The following DNM3 variants were observed in gnomAD, a reference collection of about 807,000 sequenced individuals.
The protein encoded by DNM3 is dynamin-3.
A neutral mutation model predicts 101.6 loss-of-function variants in DNM3; 47 were observed. The observed-to-expected ratio is 0.46, with a 90% confidence interval of 0.37 to 0.59. The LOEUF (loss-of-function observed/expected upper bound fraction) is 0.59. Among genes scored for constraint, DNM3 ranks in the 20% least tolerant of loss-of-function variants. The pLI is 0.00. For missense variants in DNM3, 849 were observed against 1,085.7 expected, an observed-to-expected ratio of 0.78 and a Z score of 3.06; for synonymous variants, 385 against 387.9, an observed-to-expected ratio of 0.99 and a Z score of 0.09.
chr1:172,102,845 A>G (rs1382840972), intron 13 of DNM3, among the ~76,000 whole-genome samples: 1 of 152,068 alleles, frequency 6.6e-6, no homozygotes, highest in Non-Finnish European at 1.5e-5. Context: ...ATTCCAAGTA[A>G]GCAAATGCCT....
chr1:172,042,763 G>A (rs2049481765), intron 8 of DNM3, among the ~76,000 whole-genome samples: 1 of 152,158 alleles, frequency 6.6e-6, no homozygotes, highest in Admixed American at 6.5e-5. Flanking sequence ...GGGGCATGAA[G>A]TGAATTCAGA....
chr1:172,123,146 C>T (rs903599812), intron 13 of DNM3, among the ~76,000 whole-genome samples: 3 of 152,086 alleles, frequency 2.0e-5, no homozygotes, highest in Non-Finnish European at 4.4e-5. Flanking sequence ...AGTCACTTAG[C>T]CAATTCATTC....
chr1:172,025,632 C>T (rs2048151589), intron 4 of DNM3, among the ~76,000 whole-genome samples: 1 of 152,226 alleles, frequency 6.6e-6, no homozygotes, highest in African/African-American at 2.4e-5. Flanking sequence ...TGCTGTTCTG[C>T]AGCCTCCGCT....
intron 16 of DNM3, among the ~76,000 whole-genome samples, chr1:172,315,528 C>G (rs139214165): frequency 0.026 from 4,001 of 152,148 alleles, 154 homozygotes; most frequent in African/African-American, 0.084. Context: ...ATAACCAATA[C>G]AGAGAAGTGC....
At chr1:172,034,283 A>G (rs2048811317) in intron 6 of DNM3, among the ~76,000 whole-genome samples, 2 of 152,310 alleles carry the variant, frequency 1.3e-5, no homozygotes, top group Middle Eastern at 6.8e-3. Flanking sequence ...CTATGATTGT[A>G]TCATTTAAAA....
At chr1:172,237,043 A>G (rs1235819486) in intron 14 of DNM3, among the ~76,000 whole-genome samples, 1 of 152,120 alleles carries the variant, frequency 6.6e-6, no homozygotes, top group African/African-American at 2.4e-5. Context: ...TGCGCCACAC[A>G]ACTCAGCATT....
chr1:172,066,122 T>C (rs2051640623), intron 10 of DNM3, among the ~76,000 whole-genome samples: 1 of 152,148 alleles, frequency 6.6e-6, no homozygotes, highest in Non-Finnish European at 1.5e-5. Flanking sequence ...CATGCTATAA[T>C]ATTACTCAAG....
chr1:172,081,594 T>C (rs1156640740), intron 11 of DNM3, among the ~76,000 whole-genome samples: 1 of 152,208 alleles, frequency 6.6e-6, no homozygotes, highest in African/African-American at 2.4e-5. Context: ...GCTTATAAGT[T>C]ATAATGCTAT....
At chr1:171,955,020 C>T (rs528319022) in intron 2 of DNM3, among the ~76,000 whole-genome samples, 2 of 152,068 alleles carry the variant, frequency 1.3e-5, no homozygotes, top group South Asian at 4.1e-4. Flanking sequence ...TTTTAAACAC[C>T]TGGCTCAGCA....
At chr1:171,854,297 T>A (rs1310540954) in intron 1 of DNM3, among the ~76,000 whole-genome samples, 2 of 152,178 alleles carry the variant, frequency 1.3e-5, no homozygotes. Context: ...ATTGGTACAA[T>A]GGGACAATAG....
At chr1:172,079,585 A>G (rs2052966238) in intron 11 of DNM3, among the ~76,000 whole-genome samples, 2 of 151,824 alleles carry the variant, frequency 1.3e-5, no homozygotes, top group Admixed American at 6.6e-5. Flanking sequence ...AGCTTGGAGG[A>G]GTTTGTTATT....
chr1:171,841,723 C>G lies in DNM3; in HGVS notation c.67C>G (p.Leu23Val), dbSNP rs1180917841. The change falls in exon 1 of 21, where the codon CTG becomes GTG. Residue 23 changes from leucine to valine, a missense_variant. By Grantham distance (32) the Leu-to-Val change is conservative. Around this residue, in one of 5 missense-constraint regions of DNM3, gnomAD observed 388 missense variants for 483.0 expected, o/e 0.80. Transcript: ENST00000627582. ...VNRLQDAFSA[L>V]GQSCLLELPQ... ...CCGTCTGCAGGACGCGTTTTCGGCGCTGGGACAGAGCTGCCTGCTGGAGCT... is the reference window on the plus strand; with the variant it reads ...CCGTCTGCAGGACGCGTTTTCGGCGGTGGGACAGAGCTGCCTGCTGGAGCT... The G allele has an allele frequency of 2.5e-6, 4 of 1,611,360 alleles. No homozygotes were observed. The highest frequency in any genetic ancestry group is 3.4e-6 in the Non-Finnish European group (4 of 1,179,284).
At chr1:172,022,483 T>C (rs1271879515) in intron 4 of DNM3, among the ~76,000 whole-genome samples, 1 of 152,164 alleles carries the variant, frequency 6.6e-6, no homozygotes, top group Non-Finnish European at 1.5e-5. Context: ...TCACTAAGTA[T>C]AGATCTAGCT....
chr1:172,003,627 T>C (rs1186286156), intron 4 of DNM3, among the ~76,000 whole-genome samples: 9 of 151,798 alleles, frequency 5.9e-5, no homozygotes, highest in Admixed American at 5.3e-4. Flanking sequence ...GCCAGGTACC[T>C]TGAATACAAG....
chr1:172,186,719 C>T (rs2059539056), intron 14 of DNM3, among the ~76,000 whole-genome samples: 1 of 152,102 alleles, frequency 6.6e-6, no homozygotes, highest in Non-Finnish European at 1.5e-5. Flanking sequence ...TTGAGAGCAT[C>T]ATTTGCCAGC....
intron 12 of DNM3, among the ~76,000 whole-genome samples, chr1:172,091,850 T>C (rs796543575): frequency 6.6e-6 from 1 of 152,180 alleles, no homozygotes; most frequent in Non-Finnish European, 1.5e-5. Flanking sequence ...AGAGAATAAA[T>C]GATTACAGTA....
At position 172,008,935 on chromosome 1, in the gene DNM3, A is replaced by C. The variant is rs1366085294; in HGVS notation, c.589+19787A>C. Among the ~76,000 whole-genome samples the C allele has an allele frequency of 8.7e-5, 12 of 138,416 alleles. No individual in the cohort carries two copies. In the Admixed American group the frequency reaches 9.3e-4, roughly 11 times the overall value. 90.8% of individuals were successfully genotyped at this position (138,416 alleles called of 152,430 possible). A position where few individuals can be genotyped will look rare whatever the true frequency, so the allele number is the denominator to read the frequency against. On this transcript the variant is annotated intron_variant, in intron 4 of 20. Coordinates refer to ENST00000627582, the MANE Select transcript of DNM3 (RefSeq NM_015569.5). The stretch of plus-strand genomic sequence containing the variant: ...ATATTAAATATTATATTAATTAAAT[A>C]TTAATAAATATATTATATTAATATA...
At chr1:172,193,218 T>C (rs563106309) in intron 14 of DNM3, among the ~76,000 whole-genome samples, 3 of 152,144 alleles carry the variant, frequency 2.0e-5, no homozygotes, top group Admixed American at 6.6e-5. Context: ...CATCAAAAAG[T>C]GGGGGTGGAT....
intron 1 of DNM3, among the ~76,000 whole-genome samples, chr1:171,888,769 A>G (rs2036999241): frequency 6.6e-6 from 1 of 152,204 alleles, no homozygotes; most frequent in African/African-American, 2.4e-5. Flanking sequence ...TAACAAAGAT[A>G]TCTTGGTCAT....
Sources: allele counts gnomAD v4.1 joint callset (sites outside exome capture counted in the v4.1 genomes callset), GRCh38; gene constraint gnomAD v4.1.1; regional missense constraint gnomAD v4.1.1; transcripts MANE v1.5; gene names NCBI Gene and HGNC (gene_info 2026-07-23, HGNC 2026-07-21).